The following COL14A1 variants were observed in gnomAD, a reference collection of about 807,000 sequenced individuals.
COL14A1 encodes the protein collagen alpha-1(XIV) chain.
Under a neutral mutation model 230.3 loss-of-function variants are expected in COL14A1, and 136 were observed. The ratio of observed to expected loss-of-function variants is 0.59; its 90% CI spans 0.51 to 0.68. The LOEUF (loss-of-function observed/expected upper bound fraction) is 0.68, where lower values mean the gene tolerates loss of function less well. Among genes scored for constraint, COL14A1 ranks in the 30% least tolerant of loss-of-function variants. The pLI is 0.00. For synonymous variants in COL14A1, 792 were observed against 784.1 expected (o/e 1.01, Z -0.17); for missense variants, 1,976 against 2,215.8 (o/e 0.89, Z 2.17).
rs556417494 is a variant in COL14A1, at chr8:120,367,028, A to G, written c.5078-143A>G. ...ACTACCAATGTCAGAATGTAATTTA[A>G]AAGTCCCATGGTACTCATAACCCCA... is the stretch of plus-strand genomic sequence containing the variant. On this transcript the variant is annotated intron_variant, in intron 45 of 47. Transcript: ENST00000297848. 5.2e-5 allele frequency: 30 copies of G among 578,704 alleles called. No homozygotes were observed. In the East Asian group the frequency reaches 8.4e-4, roughly 16 times the overall value. The allele number at this position is 578,704 out of a possible 1,614,324, so 35.8% of individuals were successfully genotyped here.
At chr8:120,266,774 C>A in intron 24 of COL14A1, 53 bp from the exon 25 acceptor site, 1 of 1,444,752 alleles carries the variant, frequency 6.9e-7, no homozygotes. Flanking sequence ...ACCTTCCGCT[C>A]TTCCCCACAG....
intron 1 of COL14A1, 67 bp from the exon 2 acceptor site, chr8:120,147,739 T>A: frequency 1.3e-6 from 1 of 782,484 alleles, no homozygotes; most frequent in African/African-American, 1.8e-5. Flanking sequence ...TATTCGCCTG[T>A]CCTAAATGAT....
intron 5 of COL14A1, among the ~76,000 whole-genome samples, chr8:120,193,879 C>T (rs148002778): frequency 6.6e-6 from 1 of 152,178 alleles, no homozygotes; most frequent in Non-Finnish European, 1.5e-5. Flanking sequence ...TCTCCTGTAG[C>T]ACCGTTTTTT....
At chr8:120,194,293 T>C (rs1305408690) in intron 5 of COL14A1, among the ~76,000 whole-genome samples, 1 of 152,202 alleles carries the variant, frequency 6.6e-6, no homozygotes, top group African/African-American at 2.4e-5. Context: ...ACACTCAAAT[T>C]ATTTTTCTAG....
intron 36 of COL14A1, among the ~76,000 whole-genome samples, chr8:120,306,123 T>G (rs923066192): frequency 1.3e-5 from 2 of 152,176 alleles, no homozygotes; most frequent in Non-Finnish European, 2.9e-5. Context: ...TCAGTTCACA[T>G]GTATACTATA....
intron 26 of COL14A1, among the ~76,000 whole-genome samples, chr8:120,275,109 G>A (rs1247264595): frequency 6.6e-6 from 1 of 151,894 alleles, no homozygotes; most frequent in East Asian, 1.9e-4. Context: ...CAAGACCATA[G>A]TTACTAAAAC....
Position 120,297,744 on chromosome 8 carries a change from T to C in COL14A1, c.4314+156T>C, listed in dbSNP as rs112303039. 3.7e-3 allele frequency among the ~76,000 whole-genome samples: 567 copies of C among 152,104 alleles called. 3 individuals carry two copies. The highest frequency in any genetic ancestry group is 0.013 in the African/African-American group (520 of 41,520). Reference sequence around the variant, plus strand: ...AGAGGCATGTCTGAAATTAACAAGATTTCTCCTGTATAACCTAGGATCACA... The same window carrying C: ...AGAGGCATGTCTGAAATTAACAAGACTTCTCCTGTATAACCTAGGATCACA... On this transcript the variant is annotated intron_variant, in intron 35 of 47. Coordinates refer to ENST00000297848, the MANE Select transcript of COL14A1 (RefSeq NM_021110.4).
At chr8:120,316,035 T>C in intron 40 of COL14A1, 38 bp downstream of exon 40, 1 of 1,606,068 alleles carries the variant, frequency 6.2e-7, no homozygotes, top group South Asian at 1.1e-5. Context: ...AGCAAAGTAG[T>C]GACCTTTTCA....
intron 5 of COL14A1, among the ~76,000 whole-genome samples, chr8:120,174,109 G>T (rs1340436027): frequency 6.6e-6 from 1 of 152,128 alleles, no homozygotes; most frequent in Non-Finnish European, 1.5e-5. Flanking sequence ...TATCACATCT[G>T]CTATTCCTTC....
intron 5 of COL14A1, among the ~76,000 whole-genome samples, chr8:120,189,443 C>G (rs1816745626): frequency 6.6e-6 from 1 of 151,500 alleles, no homozygotes. Context: ...AAAATATCTT[C>G]CTATGAGTCT....
At chr8:120,306,296 G>T (rs6995943) in intron 36 of COL14A1, among the ~76,000 whole-genome samples, 2,372 of 152,166 alleles carry the variant, frequency 0.016, 57 homozygotes, top group African/African-American at 0.054. Flanking sequence ...GACCTAAACA[G>T]CAAACTTTCT....
intron 1 of COL14A1, among the ~76,000 whole-genome samples, chr8:120,140,638 C>T (rs187589013): frequency 4.9e-4 from 75 of 152,134 alleles, no homozygotes; most frequent in African/African-American, 1.8e-3. Flanking sequence ...GTATAAATCT[C>T]GGCGTGAGAG....
rs541323351 is a variant in COL14A1, at chr8:120,138,960, A to G, written c.-37-8846A>G. 3.9e-5 allele frequency among the ~76,000 whole-genome samples: 6 copies of G among 152,340 alleles called. No individual in the cohort carries two copies. The South Asian group carries it at 1.2e-3, about 32-fold the overall frequency. ...TGGAGTTGAGGAAGGCATCCTAGAGATCATTTTATCCAGTTCTCTTGCCCC... is the reference window on the plus strand; with the variant it reads ...TGGAGTTGAGGAAGGCATCCTAGAGGTCATTTTATCCAGTTCTCTTGCCCC... On this transcript the variant is annotated intron_variant, in intron 1 of 47. Transcript: ENST00000297848.
intron 5 of COL14A1, among the ~76,000 whole-genome samples, chr8:120,180,509 G>GTA (rs1288496041): frequency 6.6e-6 from 1 of 152,170 alleles, no homozygotes; most frequent in Admixed American, 6.5e-5. Context: ...TGTAACTGAA[G>GTA]TATGGCTGGA....
intron 5 of COL14A1, among the ~76,000 whole-genome samples, chr8:120,180,165 T>C (rs1282180706): frequency 6.6e-6 from 1 of 152,182 alleles, no homozygotes; most frequent in Non-Finnish European, 1.5e-5. Flanking sequence ...ACCATGACAA[T>C]GAAGATAAGA....
chr8:120,370,463 C>A, intron 47 of COL14A1: 1 of 1,552,202 alleles, frequency 6.4e-7, no homozygotes, highest in Non-Finnish European at 8.7e-7. Context: ...AGCCCCTGCC[C>A]CTAACAATGG....
At chr8:120,371,079 C>G in intron 47 of COL14A1, 73 bp from the exon 48 acceptor site, 3 of 1,311,980 alleles carry the variant, frequency 2.3e-6, no homozygotes, top group Non-Finnish European at 3.2e-6. Flanking sequence ...TCTCTAAGGA[C>G]CCAGGTGAGG....
chr8:120,136,959 C>CAAAA (rs34417716), intron 1 of COL14A1, among the ~76,000 whole-genome samples: 46 of 62,896 alleles, frequency 7.3e-4, no homozygotes, highest in South Asian at 1.9e-3. Context: ...GAGTCTGTCT[C>CAAAA]AAAAAAAAAA....
intron 9 of COL14A1, among the ~76,000 whole-genome samples, chr8:120,205,430 G>T (rs1374201551): frequency 6.6e-6 from 1 of 152,250 alleles, no homozygotes; most frequent in African/African-American, 2.4e-5. Context: ...GTTATACTCA[G>T]CAAAAGGAAT....
Sources: gnomAD v4.1 joint callset for allele counts (sites outside exome capture counted in the v4.1 genomes callset) on GRCh38, gnomAD v4.1.1 for gene constraint, MANE v1.5 for transcripts, NCBI Gene and HGNC (gene_info 2026-07-23, HGNC 2026-07-21) for gene names.